The following FBLN1 variants were observed in gnomAD, a reference collection of about 807,000 sequenced individuals.
FBLN1 encodes the protein fibulin 1, also known as fibulin-1.
In FBLN1, 34 loss-of-function variants were observed where a neutral mutation model predicts 89.7. That is an observed-to-expected ratio of 0.38 (90% CI 0.29 to 0.50). FBLN1 has a LOEUF of 0.50. Among genes scored for constraint, FBLN1 ranks in the 20% least tolerant of loss-of-function variants. The pLI, the probability that FBLN1 is intolerant of heterozygous loss-of-function variation, is 0.92. For missense variants in FBLN1, 777 were observed against 988.1 expected, an observed-to-expected ratio of 0.79 and a Z score of 2.86; for synonymous variants, 393 against 391.3, an observed-to-expected ratio of 1.00 and a Z score of -0.05.
chr22:45,571,319 A>T (rs762905388), intron 14 of FBLN1, among the ~76,000 whole-genome samples: 10 of 152,224 alleles, frequency 6.6e-5, no homozygotes, highest in Non-Finnish European at 1.3e-4. Flanking sequence ...TACCTAGCAA[A>T]ACTGACTTTC....
intron 16 of FBLN1, among the ~76,000 whole-genome samples, chr22:45,582,325 G>A (rs1275772173): frequency 1.3e-5 from 2 of 152,254 alleles, no homozygotes; most frequent in Non-Finnish European, 2.9e-5. Flanking sequence ...CACAGTCACA[G>A]TGCTCCCGGC....
At position 45,537,575 on chromosome 22, in the gene FBLN1, G is replaced by A. The variant is rs149558655; in HGVS notation, c.922+2238G>A. Among the ~76,000 whole-genome samples, 166 of 151,868 alleles carry A rather than the reference G, an allele frequency of 1.1e-3. No individual in the cohort carries two copies. The highest frequency in any genetic ancestry group is 3.5e-3 in the East Asian group (18 of 5,158). ...GTGGAGGTTGTAGTGAGCCAAGATCGTGCCACTGCACTCCAGCCTGGACAA... is the reference window on the plus strand; with the variant it reads ...GTGGAGGTTGTAGTGAGCCAAGATCATGCCACTGCACTCCAGCCTGGACAA... On this transcript the variant is annotated intron_variant, in intron 8 of 16. Coordinates refer to ENST00000327858, the MANE Select transcript of FBLN1 (RefSeq NM_006486.3). This position sits in a 1 kb window ranked among gnomAD's most constrained non-coding sequence, Gnocchi z 5.7.
chr22:45,568,406 G>A (rs930800634), intron 14 of FBLN1, among the ~76,000 whole-genome samples: 8 of 151,902 alleles, frequency 5.3e-5, no homozygotes, highest in African/African-American at 1.7e-4. Flanking sequence ...CTTCTGTAGG[G>A]GAGTGCTCTT....
At position 45,572,258 on chromosome 22, in the gene FBLN1, A is replaced by C. The variant is rs1002069010; in HGVS notation, c.1698-2253A>C. Among the ~76,000 whole-genome samples the C allele has an allele frequency of 9.2e-5, 14 of 152,242 alleles. No homozygotes were observed. The highest frequency in any genetic ancestry group is 1.6e-4 in the Non-Finnish European group (11 of 68,040). On this transcript the variant is annotated intron_variant, in intron 14 of 16. Coordinates refer to ENST00000327858, the MANE Select transcript of FBLN1 (RefSeq NM_006486.3). This position sits in a 1 kb window ranked among gnomAD's most constrained non-coding sequence, Gnocchi z 5.8. ...AAATGAGGCTGGATCATCTCGTCAC[A>C]TCAGATAGCAAGAAAGCTGTGAAAG...
At chr22:45,587,623 G>A (rs1347181371) in intron 16 of FBLN1, among the ~76,000 whole-genome samples, 3 of 152,190 alleles carry the variant, frequency 2.0e-5, no homozygotes, top group Non-Finnish European at 4.4e-5. Context: ...CCAGGCTGGA[G>A]AGAAGCACCC....
chr22:45,576,849 T>C lies in FBLN1; in HGVS notation c.1841-128T>C. ...CCACACAGGGGATCTCTGGCTTCAT[T>C]GATGTTGTCTCATGAAAGGGCCCTG... On this transcript the variant is annotated intron_variant, in intron 15 of 16. Coordinates refer to ENST00000327858, the MANE Select transcript of FBLN1 (RefSeq NM_006486.3). The surrounding 1 kb of genome is among the most constrained non-coding windows in gnomAD (Gnocchi z 5.2). The C allele has an allele frequency of 9.1e-7, 1 of 1,100,370 alleles. No homozygotes were observed. Among genetic ancestry groups the C allele is most frequent in the Non-Finnish European group, 1.3e-6 (1 of 745,274 alleles). The allele number at this position is 1,100,370 out of a possible 1,614,324, so 68.2% of individuals were successfully genotyped here.
intron 13 of FBLN1, 93 bp downstream of exon 13, chr22:45,548,837 C>T: frequency 6.4e-7 from 1 of 1,568,052 alleles, no homozygotes. Flanking sequence ...CTGTGCTTCC[C>T]CAACCCAAGG....
intron 14 of FBLN1, chr22:45,565,001 A>G (rs2088890163): frequency 1.2e-6 from 2 of 1,613,576 alleles, no homozygotes; most frequent in South Asian, 2.2e-5. Flanking sequence ...AGTGAGGAAG[A>G]TGGACCTGGA....
At position 45,574,449 on chromosome 22, in the gene FBLN1, G is replaced by A. The variant is rs2088976140; in HGVS notation, c.1698-62G>A. ...ACCTGCTCCTCCTCCCTAGACCTCG[G>A]CCCCTGTGGGAGCTGCTGTCCCAGC... On this transcript the variant is annotated intron_variant, in intron 14 of 16. Coordinates refer to ENST00000327858, the MANE Select transcript of FBLN1 (RefSeq NM_006486.3). This position sits in a 1 kb window ranked among gnomAD's most constrained non-coding sequence, Gnocchi z 4.1. The A allele has an allele frequency of 6.2e-7, 1 of 1,602,832 alleles. No individual in the cohort carries two copies. Among genetic ancestry groups the A allele is most frequent in the South Asian group, 1.1e-5 (1 of 90,660 alleles).
At chr22:45,570,571 A>G (rs1008157148) in intron 14 of FBLN1, among the ~76,000 whole-genome samples, 6 of 151,788 alleles carry the variant, frequency 4.0e-5, no homozygotes, top group African/African-American at 1.4e-4. Flanking sequence ...GAAAGAAATA[A>G]CAAGAGATGA....
At position 45,535,287 on chromosome 22, in the gene FBLN1, A is replaced by C; in HGVS notation, c.872A>C (p.Lys291Thr). 1 of 1,614,172 alleles carries C rather than the reference A, an allele frequency of 6.2e-7. No individual in the cohort carries two copies. Among genetic ancestry groups the C allele is most frequent in the Non-Finnish European group, 8.5e-7 (1 of 1,180,006 alleles). The change falls in exon 8 of 17, where the codon AAG becomes ACG. Residue 291 changes from lysine (K) to threonine (T), a missense_variant. Coordinates refer to ENST00000327858, the MANE Select transcript of FBLN1 (RefSeq NM_006486.3). ...NTLGSFRCRP[K>T]LQCKSGFIQD... ...CTGGGATCCTTCCGCTGCCGACCCAAGCTACAGTGCAAGAGTGGCTTTATA... is the reference window on the plus strand; with the variant it reads ...CTGGGATCCTTCCGCTGCCGACCCACGCTACAGTGCAAGAGTGGCTTTATA...
At chr22:45,564,578 G>T (rs1451845955) in intron 14 of FBLN1, among the ~76,000 whole-genome samples, 1 of 152,174 alleles carries the variant, frequency 6.6e-6, no homozygotes, top group African/African-American at 2.4e-5. Flanking sequence ...GGCCTTCCCT[G>T]CCACCCCTGG....
At chr22:45,551,104 C>A (rs1041898968) in intron 14 of FBLN1, 7 of 254,358 alleles carry the variant, frequency 2.8e-5, no homozygotes, top group Admixed American at 5.0e-5. Context: ...CGTGTGGGAA[C>A]GGCATCAAAG....
chr22:45,511,447 C>A (rs2088099149), intron 1 of FBLN1, among the ~76,000 whole-genome samples: 1 of 143,632 alleles, frequency 7.0e-6, no homozygotes, highest in African/African-American at 2.7e-5. Context: ...AGCCACCATG[C>A]CTGGCTTTTT....
chr22:45,597,135 TG>T lies in FBLN1; in HGVS notation c.1973-3169del, dbSNP rs56392610. On this transcript the variant is annotated intron_variant, in intron 16 of 16. Coordinates refer to ENST00000327858, the MANE Select transcript of FBLN1 (RefSeq NM_006486.3). This position sits in a 1 kb window ranked among gnomAD's most constrained non-coding sequence, Gnocchi z 4.2. Reference sequence around the variant, plus strand: ...CTGCCACCTCAGCCTCCTGAGTAGCTGGGACTATAAGCACACACCACCATGC... The same window carrying T: ...CTGCCACCTCAGCCTCCTGAGTAGCTGGACTATAAGCACACACCACCATGC... Among the ~76,000 whole-genome samples the T allele has an allele frequency of 0.38, 57,349 of 151,892 alleles. 12,493 individuals are homozygous for T. The highest frequency in any genetic ancestry group is 0.52 in the Admixed American group (7,958 of 15,262).
rs757752021 is a variant in FBLN1, at chr22:45,535,300, GA to G, written c.886del (p.Ser296ValfsTer8). 1 of 1,614,130 alleles carries G rather than the reference GA, an allele frequency of 6.2e-7. No homozygotes were observed. The highest frequency in any genetic ancestry group is 8.5e-7 in the Non-Finnish European group (1 of 1,179,958). On this transcript the variant is annotated frameshift_variant, in exon 8 of 17. Transcript: ENST00000327858. LOFTEE classifies it high-confidence loss of function. ...GCTGCCGACCCAAGCTACAGTGCAAGAGTGGCTTTATACAAGATGCTCTAGG... is the reference window on the plus strand; with the variant it reads ...GCTGCCGACCCAAGCTACAGTGCAAGGTGGCTTTATACAAGATGCTCTAGG... ...FRCRPKLQCKSGFIQDALGNC... is the reference protein window; with the variant it reads ...FRCRPKLQCKXGFIQDALGNC...
chr22:45,563,258 G>C lies in FBLN1; in HGVS notation c.1698-11253G>C, dbSNP rs143439191. The C allele has an allele frequency of 1.2e-6, 2 of 1,613,522 alleles. No individual in the cohort carries two copies. The highest frequency in any genetic ancestry group is 1.3e-5 in the African/African-American group (1 of 74,948). ...CAAGCTTTTCATCTTTGTGTCTGCA[G>C]AGCTCTGAGCACTCGCTTCGCGTCG... On this transcript the variant is annotated intron_variant, in intron 14 of 16. Coordinates refer to ENST00000327858, the MANE Select transcript of FBLN1 (RefSeq NM_006486.3). This position sits in a 1 kb window ranked among gnomAD's most constrained non-coding sequence, Gnocchi z 5.7.
chr22:45,539,156 C>T (rs1432587598), intron 8 of FBLN1, among the ~76,000 whole-genome samples: 2 of 130,294 alleles, frequency 1.5e-5, no homozygotes, highest in African/African-American at 5.7e-5. Context: ...CCCTCCTTCC[C>T]TTCCCCTTCT....
chr22:45,576,233 T>C lies in FBLN1; in HGVS notation c.1841-744T>C, dbSNP rs2088996138. 6.6e-6 allele frequency among the ~76,000 whole-genome samples: 1 copy of C among 152,214 alleles called. No homozygotes were observed. The highest frequency in any genetic ancestry group is 2.1e-4 in the South Asian group (1 of 4,834). The stretch of plus-strand genomic sequence containing the variant: ...AATGATGGGGTTTCACCAAACCACA[T>C]ACAAATCCTTCCCAAATCCCCAGTG... On this transcript the variant is annotated intron_variant, in intron 15 of 16. Coordinates refer to ENST00000327858, the MANE Select transcript of FBLN1 (RefSeq NM_006486.3). This position sits in a 1 kb window ranked among gnomAD's most constrained non-coding sequence, Gnocchi z 5.2.
Sources: allele counts gnomAD v4.1 joint callset (sites outside exome capture counted in the v4.1 genomes callset), GRCh38; gene constraint gnomAD v4.1.1; non-coding constraint Gnocchi (gnomAD v3.1); transcripts MANE v1.5; gene names NCBI Gene and HGNC (gene_info 2026-07-23, HGNC 2026-07-21).